Variants in ARHGAP29 observed in about 807,000 individuals in gnomAD.
ARHGAP29 encodes rho GTPase-activating protein 29.
In ARHGAP29, 43 loss-of-function variants were observed where a neutral mutation model predicts 122.6. The ratio of observed to expected loss-of-function variants is 0.35; its 90% CI spans 0.27 to 0.45. ARHGAP29 has a LOEUF of 0.45. Among genes scored for constraint, ARHGAP29 ranks in the 20% least tolerant of loss-of-function variants. ARHGAP29 has a pLI of 1.00. For synonymous variants in ARHGAP29, 506 were observed against 497.1 expected (o/e 1.02, Z -0.24); for missense variants, 1,303 against 1,477.2 (o/e 0.88, Z 1.93).
chr1:94,307,974 G>T, the ARHGAP29 span, among the ~76,000 whole-genome samples: 2 of 152,096 alleles, frequency 1.3e-5, no homozygotes, highest in Non-Finnish European at 1.5e-5. Context: ...TCCTGTAATA[G>T]CAGTCTTGCC....
chr1:94,238,527 G>T (rs560882494), upstream of ARHGAP29, among the ~76,000 whole-genome samples: 1 of 152,152 alleles, frequency 6.6e-6, no homozygotes, highest in Admixed American at 6.6e-5. Flanking sequence ...CTCAGTGCTG[G>T]AACATTCAGA....
intron 1 of ARHGAP29, among the ~76,000 whole-genome samples, chr1:94,245,142 T>C (rs1359299624): frequency 6.6e-6 from 1 of 152,204 alleles, no homozygotes. Flanking sequence ...TACATGCTTC[T>C]ACATACAAGG....
intron 1 of ARHGAP29, among the ~76,000 whole-genome samples, chr1:94,235,148 G>A (rs1653174284): frequency 6.6e-6 from 1 of 152,054 alleles, no homozygotes; most frequent in South Asian, 2.1e-4. Flanking sequence ...TGATTAATGT[G>A]CTGATTTTGT....
chr1:94,306,775 C>T, the ARHGAP29 span, among the ~76,000 whole-genome samples: 1 of 152,112 alleles, frequency 6.6e-6, no homozygotes, highest in Non-Finnish European at 1.5e-5. Context: ...AGAAAGAAAA[C>T]GTTAGGGGAA....
At chr1:94,187,266 A>C (rs1035907309) in intron 15 of ARHGAP29, among the ~76,000 whole-genome samples, 1 of 152,226 alleles carries the variant, frequency 6.6e-6, no homozygotes, top group African/African-American at 2.4e-5. Context: ...AAGTGGAAGA[A>C]TTCACCTTAA....
chr1:94,215,555 C>A (rs1651910091), intron 3 of ARHGAP29, among the ~76,000 whole-genome samples: 1 of 152,046 alleles, frequency 6.6e-6, no homozygotes, highest in Non-Finnish European at 1.5e-5. Flanking sequence ...GGTGACATCT[C>A]AAATTAGTGG....
intron 3 of ARHGAP29, among the ~76,000 whole-genome samples, chr1:94,217,214 G>GT (rs1652002772): frequency 6.6e-6 from 1 of 152,118 alleles, no homozygotes; most frequent in East Asian, 1.9e-4. Context: ...GGTCACTGCT[G>GT]TTTTTTAAAC....
chr1:94,294,297 CA>C, the ARHGAP29 span, among the ~76,000 whole-genome samples: 1 of 151,450 alleles, frequency 6.6e-6, no homozygotes, highest in African/African-American at 2.4e-5. Flanking sequence ...CATATATTTA[CA>C]ATATAAATAT....
Position 94,172,282 on chromosome 1 carries a change from C to T in ARHGAP29, c.*1587G>A, listed in dbSNP as rs1384730444. 6.6e-6 allele frequency: 1 copy of T among 152,062 alleles called. No individual in the cohort carries two copies. Among genetic ancestry groups the T allele is most frequent in the Non-Finnish European group, 1.5e-5 (1 of 68,016 alleles). The allele number at this position is 152,062 out of a possible 1,614,324, so 9.4% of individuals were successfully genotyped here. ...TAAAATAATCTATGTAGCACCTTGG[C>T]AAAGTTCCTGGCACACAGAGAAGGC... is the stretch of plus-strand genomic sequence containing the variant. On this transcript the variant is annotated 3_prime_UTR_variant, in exon 23 of 23. Coordinates refer to ENST00000260526, the MANE Select transcript of ARHGAP29 (RefSeq NM_004815.4).
At chr1:94,179,538 A>T (rs907099021) in intron 20 of ARHGAP29, among the ~76,000 whole-genome samples, 187 bp downstream of exon 20, 1 of 137,390 alleles carries the variant, frequency 7.3e-6, no homozygotes, top group Non-Finnish European at 1.5e-5. Context: ...GGCTGCAGAG[A>T]GCCGAGATTG....
At chr1:94,195,126 T>C (rs568124032) in intron 12 of ARHGAP29, 26 of 152,284 alleles carry the variant, frequency 1.7e-4, no homozygotes, top group African/African-American at 5.5e-4. Context: ...ACTGCTATAT[T>C]CTCTTGAAAA....
intron 1 of ARHGAP29, among the ~76,000 whole-genome samples, chr1:94,244,523 A>C (rs1208910075): frequency 6.6e-6 from 1 of 152,082 alleles, no homozygotes; most frequent in Non-Finnish European, 1.5e-5. Flanking sequence ...TTTTCTCCTT[A>C]AGATCAGGAT....
chr1:94,176,596 A>C (rs541339940), intron 22 of ARHGAP29: 5 of 152,300 alleles, frequency 3.3e-5, no homozygotes, highest in African/African-American at 1.2e-4. Context: ...GTACCTGGTG[A>C]ATGTTAGTTC....
In ARHGAP29 at chr1:94,202,929, G is replaced by T. The variant is rs750165864; in HGVS notation, c.943C>A (p.Gln315Lys). The change falls in exon 10 of 23, where the codon CAA (glutamine) becomes AAA (lysine). Residue 315 changes from glutamine (Q) to lysine (K), a missense_variant. By Grantham distance (53) the Gln-to-Lys change is moderately conservative (BLOSUM62 1). Coordinates refer to ENST00000260526, the MANE Select transcript of ARHGAP29 (RefSeq NM_004815.4). ...ATTTTAATACTAACCATTTTATTTT[G>T]CTCCTGTTTCCAAAGCTCTTTTATT... is the stretch of plus-strand genomic sequence containing the variant. ...KEIKELWKQE[Q>K]NKMLEAENAL... The T allele has an allele frequency of 6.2e-7, 1 of 1,603,002 alleles. No individual in the cohort carries two copies. Among genetic ancestry groups the T allele is most frequent in the Non-Finnish European group, 8.5e-7 (1 of 1,176,938 alleles).
At chr1:94,312,400 T>C in the ARHGAP29 span, among the ~76,000 whole-genome samples, 3 of 142,994 alleles carry the variant, frequency 2.1e-5, no homozygotes. Flanking sequence ...CAGAACAAAC[T>C]TAAGAAGAAT....
At chr1:94,188,748 T>C (rs1649957831) in intron 15 of ARHGAP29, 89 bp downstream of exon 15, 1 of 1,088,000 alleles carries the variant, frequency 9.2e-7, no homozygotes, top group Non-Finnish European at 1.4e-6. Flanking sequence ...GTGTGAAAGT[T>C]CACTATAAAA....
At chr1:94,286,749 A>G in the ARHGAP29 span, among the ~76,000 whole-genome samples, 1 of 152,220 alleles carries the variant, frequency 6.6e-6, no homozygotes, top group East Asian at 1.9e-4. Flanking sequence ...AGGAAATAGA[A>G]TAAACAAGGT....
the ARHGAP29 span, among the ~76,000 whole-genome samples, chr1:94,289,666 G>T: frequency 1.3e-5 from 2 of 152,150 alleles, no homozygotes; most frequent in African/African-American, 4.8e-5. Flanking sequence ...GATACGTTCC[G>T]TCAATAACTA....
the ARHGAP29 span, among the ~76,000 whole-genome samples, chr1:94,312,465 T>C: frequency 7.1e-6 from 1 of 141,218 alleles, no homozygotes; most frequent in African/African-American, 2.6e-5. Context: ...AGAGTCTCAC[T>C]CTGTTGCTCA....
Sources: allele counts gnomAD v4.1 joint callset (sites outside exome capture counted in the v4.1 genomes callset), GRCh38; gene constraint gnomAD v4.1.1; transcripts MANE v1.5; gene names NCBI Gene and HGNC (gene_info 2026-07-23, HGNC 2026-07-21).